AGFG1: variants seen among roughly 807,000 people sequenced by gnomAD.
AGFG1 encodes ArfGAP with FG repeats 1, also known as arf-GAP domain and FG repeat-containing protein 1.
A neutral mutation model predicts 60.6 loss-of-function variants in AGFG1; 10 were observed. The observed-to-expected ratio is 0.16, with a 90% CI of 0.10 to 0.28. AGFG1 has a LOEUF of 0.28. Ranked by LOEUF, AGFG1 falls within the 10% of genes least tolerant of loss-of-function variation. AGFG1 has a pLI of 1.00. For synonymous variants in AGFG1, 247 were observed against 242.9 expected (o/e 1.02, Z -0.16); for missense variants, 537 against 676.5 (o/e 0.79, Z 2.29).
chr2:227,512,828 G>A (rs905601490), intron 2 of AGFG1, among the ~76,000 whole-genome samples: 1 of 152,136 alleles, frequency 6.6e-6, no homozygotes, highest in African/African-American at 2.4e-5. Context: ...ACAAAAGGAG[G>A]CAGGATTACC....
intron 7 of AGFG1, 105 bp from the exon 8 acceptor site, chr2:227,534,740 C>T (rs988788918): frequency 8.2e-6 from 10 of 1,214,404 alleles, no homozygotes; most frequent in Non-Finnish European, 1.2e-5. Context: ...TCCTGCTTAA[C>T]TCTAAATCCA....
Position 227,542,285 on chromosome 2 carries a change from T to C in AGFG1, c.1378+5292T>C, listed in dbSNP as rs568174885. ...CAGTTTTTGCCCATTCAGTATGATA[T>C]TGGCTGTGGGTTCGTCATAAATAGC... On this transcript the variant is annotated intron_variant, in intron 10 of 12. Transcript: ENST00000310078. 2.6e-5 allele frequency among the ~76,000 whole-genome samples: 4 copies of C among 152,330 alleles called. No individual in the cohort carries two copies. The East Asian group carries it at 5.8e-4, about 22-fold the overall frequency.
intron 5 of AGFG1, among the ~76,000 whole-genome samples, chr2:227,529,924 T>C (rs1692110544): frequency 6.6e-6 from 1 of 151,986 alleles, no homozygotes; most frequent in South Asian, 2.1e-4. Context: ...TTTTTGTTTA[T>C]TGTGAAGTGC....
rs1691389313 is a variant in AGFG1 at position 227,508,361 on chromosome 2, C to T, written c.262-11587C>T. The T allele has an allele frequency of 1.2e-5, 3 of 247,948 alleles. No individual in the cohort carries two copies. The South Asian group carries it at 1.5e-4, about 12-fold the overall frequency. The allele number at this position is 247,948 out of a possible 1,614,324, so 15.4% of individuals were successfully genotyped here. A position where few individuals can be genotyped will look rare whatever the true frequency, so the allele number is the denominator to read the frequency against. On this transcript the variant is annotated intron_variant, in intron 2 of 12. Coordinates refer to ENST00000310078, the MANE Select transcript of AGFG1 (RefSeq NM_004504.5). ...ATATCCTTAAACCATAGATAATCCA[C>T]AAACAATTCTTACTTCATATCAAGA...
At chr2:227,520,915 A>G (rs112380303) in intron 3 of AGFG1, among the ~76,000 whole-genome samples, 3,315 of 152,298 alleles carry the variant, frequency 0.022, 66 homozygotes, top group Middle Eastern at 0.051. Context: ...GTTTCAACCC[A>G]AGAGAATCTG....
intron 2 of AGFG1, among the ~76,000 whole-genome samples, chr2:227,517,182 T>C (rs1281631704): frequency 1.3e-5 from 2 of 152,214 alleles, no homozygotes; most frequent in African/African-American, 4.8e-5. Context: ...TGCCTTACTC[T>C]AGTTCTCACT....
chr2:227,543,790 A>G (rs930371774), intron 10 of AGFG1, among the ~76,000 whole-genome samples: 1 of 152,146 alleles, frequency 6.6e-6, no homozygotes, highest in African/African-American at 2.4e-5. Flanking sequence ...GTGGGAGTCT[A>G]AGTCTCTTTG....
intron 10 of AGFG1, among the ~76,000 whole-genome samples, chr2:227,545,589 C>T (rs1466006086): frequency 6.6e-6 from 1 of 152,202 alleles, no homozygotes; most frequent in Non-Finnish European, 1.5e-5. Flanking sequence ...TTCTCCCCAT[C>T]TTTGTGGTTT....
At chr2:227,539,306 G>A (rs1372753549) in intron 10 of AGFG1, among the ~76,000 whole-genome samples, 3 of 151,968 alleles carry the variant, frequency 2.0e-5, no homozygotes, top group South Asian at 2.1e-4. Context: ...AGCCAGGTGC[G>A]GTGGTACGTG....
chr2:227,516,317 T>C (rs76094228), intron 2 of AGFG1, among the ~76,000 whole-genome samples: 8,250 of 152,298 alleles, frequency 0.054, 294 homozygotes, highest in African/African-American at 0.09. Context: ...CTGATGTTGC[T>C]TGCTGATTTA....
At chr2:227,481,162 A>G (rs1043081111) in intron 1 of AGFG1, among the ~76,000 whole-genome samples, 3 of 117,212 alleles carry the variant, frequency 2.6e-5, no homozygotes, top group South Asian at 2.7e-4. Flanking sequence ...TAGTGCAGAC[A>G]TATTTTCTCC....
intron 2 of AGFG1, among the ~76,000 whole-genome samples, chr2:227,509,226 A>C (rs1270497488): frequency 6.6e-6 from 1 of 152,180 alleles, no homozygotes; most frequent in African/African-American, 2.4e-5. Context: ...AGGACACGTC[A>C]CTTACATAGT....
intron 1 of AGFG1, 31 bp from the exon 2 acceptor site, chr2:227,491,516 A>G (rs772453783): frequency 1.4e-6 from 2 of 1,404,930 alleles, no homozygotes; most frequent in Non-Finnish European, 1.9e-6. Context: ...GGTATGTACT[A>G]GTAAATTTTG....
At chr2:227,547,148 C>G (rs1692674895) in intron 10 of AGFG1, among the ~76,000 whole-genome samples, 1 of 152,178 alleles carries the variant, frequency 6.6e-6, no homozygotes, top group Non-Finnish European at 1.5e-5. Context: ...TAACATTATG[C>G]ACTATTCCTT....
chr2:227,524,822 A>G lies in AGFG1; in HGVS notation c.601A>G (p.Ser201Gly). The G allele has an allele frequency of 6.2e-7, 1 of 1,614,192 alleles. No individual in the cohort carries two copies. Among genetic ancestry groups the G allele is most frequent in the Non-Finnish European group, 8.5e-7 (1 of 1,180,008 alleles). Reference protein sequence around the residue: ...QQEKKQFDLLSDLGSDIFAAP... With the variant: ...QQEKKQFDLLGDLGSDIFAAP... Reference sequence around the variant, plus strand: ...GGAGAAGAAGCAATTTGACCTTTTAAGTGATCTCGGCTCAGACATCTTTGC... The same window carrying G: ...GGAGAAGAAGCAATTTGACCTTTTAGGTGATCTCGGCTCAGACATCTTTGC... Residue 201 changes from serine to glycine, a missense_variant, in exon 5 of 13, where the codon AGT becomes GGT. Physicochemically the swap from Ser to Gly is moderately conservative, Grantham distance 56. This residue lies in a region of AGFG1 where 102 missense variants were observed against 82.9 expected (regional missense o/e 1.23). Transcript: ENST00000310078.
chr2:227,534,913 A>G lies in AGFG1; in HGVS notation c.1093A>G (p.Ser365Gly). Residue 365 changes from serine (S) to glycine (G), a missense_variant, in exon 8 of 13, where the codon AGT (serine) becomes GGT (glycine). This residue lies in a region of AGFG1 where 287 missense variants were observed against 343.6 expected (regional missense o/e 0.84). Coordinates refer to ENST00000310078, the MANE Select transcript of AGFG1 (RefSeq NM_004504.5). ...TGTTGGTTCTGTGGTTTCAGTTCCC[A>G]GTCAGTCAAGTGCATCTTCAGACAA... is the stretch of plus-strand genomic sequence containing the variant. ...APVGSVVSVP[S>G]QSSASSDKYA... 6.2e-7 allele frequency: 1 copy of G among 1,613,874 alleles called. No homozygotes were observed. The highest frequency in any genetic ancestry group is 1.3e-5 in the African/African-American group (1 of 75,018).
intron 1 of AGFG1, among the ~76,000 whole-genome samples, chr2:227,473,011 T>G (rs935681766): frequency 2.8e-5 from 4 of 142,168 alleles, no homozygotes; most frequent in African/African-American, 1.0e-4. Flanking sequence ...GCGGGTCCTT[T>G]GTGTGCCCCG....
chr2:227,494,622 A>G (rs1690922306), intron 2 of AGFG1, among the ~76,000 whole-genome samples: 2 of 152,234 alleles, frequency 1.3e-5, no homozygotes, highest in African/African-American at 2.4e-5. Flanking sequence ...GGCAAGCACC[A>G]TGAATGATGA....
intron 10 of AGFG1, among the ~76,000 whole-genome samples, chr2:227,537,594 G>C (rs1692350566): frequency 6.6e-6 from 1 of 151,432 alleles, no homozygotes; most frequent in African/African-American, 2.4e-5. Flanking sequence ...TTTATTTTTT[G>C]ATTCATACTG....
Sources: gnomAD v4.1 joint callset for allele counts (sites outside exome capture counted in the v4.1 genomes callset) on GRCh38, gnomAD v4.1.1 for gene constraint, gnomAD v4.1.1 regional missense constraint, MANE v1.5 for transcripts, NCBI Gene and HGNC (gene_info 2026-07-23, HGNC 2026-07-21) for gene names.